Variants in GRID2 observed in about 807,000 individuals in gnomAD.
GRID2 encodes glutamate ionotropic receptor delta type subunit 2.
GRID2 carries 33 observed loss-of-function variants against 114.8 expected under a neutral mutation model. The ratio of observed to expected loss-of-function variants is 0.29; its 90% CI spans 0.22 to 0.38. The LOEUF is 0.38. GRID2 is among the 10% of genes least tolerant of loss of function. The probability of loss-of-function intolerance (pLI) is 1.00; values close to 1 mark genes in which losing one functional copy is unlikely to be tolerated. For synonymous variants in GRID2, 505 were observed against 449.9 expected, an observed-to-expected ratio of 1.12 and a Z score of -1.55; for missense variants, 1,184 against 1,257.7, an observed-to-expected ratio of 0.94 and a Z score of 0.89.
At chr4:93,244,032 G>T (rs1171763445) in intron 8 of GRID2, among the ~76,000 whole-genome samples, 1 of 151,946 alleles carries the variant, frequency 6.6e-6, no homozygotes, top group Non-Finnish European at 1.5e-5. Context: ...AAAAAGTAAA[G>T]ATTAAATAAC....
intron 2 of GRID2, among the ~76,000 whole-genome samples, chr4:92,669,193 A>G (rs1415061301): frequency 6.6e-6 from 1 of 152,002 alleles, no homozygotes; most frequent in Non-Finnish European, 1.5e-5. Context: ...ATTCATTTTT[A>G]TATTATTAGT....
chr4:93,010,147 A>T (rs373647731), intron 2 of GRID2, among the ~76,000 whole-genome samples: 2 of 152,064 alleles, frequency 1.3e-5, no homozygotes, highest in African/African-American at 4.8e-5. Context: ...TTTATTTGAC[A>T]GTAACTTACT....
intron 4 of GRID2, among the ~76,000 whole-genome samples, chr4:93,163,399 T>TATATATAC: frequency 6.1e-4 from 30 of 49,086 alleles, no homozygotes; most frequent in Admixed American, 1.1e-3. Context: ...TATATATATA[T>TATATATAC]ACACTATATA....
rs564143617 is a variant in GRID2 at position 93,139,822 on chromosome 4, T to G, written c.735+28869T>G. Among the ~76,000 whole-genome samples the G allele has an allele frequency of 2.6e-5, 4 of 152,126 alleles. No homozygotes were observed. In the South Asian group the frequency reaches 6.2e-4, roughly 24 times the overall value. The stretch of plus-strand genomic sequence containing the variant: ...TGTAGTTACTTGCAGAAGATAAAAT[T>G]GTACAACTCAATTATATAATGGGAA... On this transcript the variant is annotated intron_variant, in intron 4 of 15. Coordinates refer to ENST00000282020, the MANE Select transcript of GRID2 (RefSeq NM_001510.4).
chr4:93,150,797 G>A (rs575594868), intron 4 of GRID2, among the ~76,000 whole-genome samples: 1 of 152,086 alleles, frequency 6.6e-6, no homozygotes, highest in East Asian at 1.9e-4. Flanking sequence ...TCTAGGGCAT[G>A]TAGAAACTCT....
intron 2 of GRID2, among the ~76,000 whole-genome samples, chr4:92,919,960 T>G (rs932620873): frequency 2.6e-5 from 4 of 152,118 alleles, no homozygotes; most frequent in African/African-American, 9.7e-5. Context: ...GTTAAAGTCT[T>G]CCGTTATTAT....
intron 4 of GRID2, among the ~76,000 whole-genome samples, chr4:93,125,034 G>GT (rs1280782077): frequency 1.3e-5 from 2 of 151,822 alleles, no homozygotes; most frequent in South Asian, 2.1e-4. Flanking sequence ...TTTAGTCTGG[G>GT]TTTTTTTGTT....
At chr4:93,551,366 A>C (rs1733736560) in intron 13 of GRID2, among the ~76,000 whole-genome samples, 1 of 152,328 alleles carries the variant, frequency 6.6e-6, no homozygotes, top group Middle Eastern at 3.4e-3. Flanking sequence ...AAAAAACCTG[A>C]ATGAAATAAA....
intron 2 of GRID2, among the ~76,000 whole-genome samples, chr4:93,052,479 C>A (rs559853854): frequency 1.2e-4 from 18 of 152,038 alleles, no homozygotes; most frequent in South Asian, 2.1e-4. Context: ...GACTATTATT[C>A]CTAGGCTAAA....
Position 93,445,457 on chromosome 4 carries a change from A to G in GRID2, c.1546-10205A>G, listed in dbSNP as rs142889647. ...ATAGTTTTTACAGTTCAGTGTTTAA[A>G]CTTATTTATTTTTCATCTTAGTTTT... On this transcript the variant is annotated intron_variant, in intron 10 of 15. Coordinates refer to ENST00000282020, the MANE Select transcript of GRID2 (RefSeq NM_001510.4). Among the ~76,000 whole-genome samples, 196 of 152,112 alleles carry G rather than the reference A, an allele frequency of 1.3e-3. 2 individuals are homozygous for G. The East Asian group carries it at 0.032, about 25-fold the overall frequency.
chr4:93,115,716 C>T (rs1733179627), intron 4 of GRID2, among the ~76,000 whole-genome samples: 2 of 152,070 alleles, frequency 1.3e-5, no homozygotes, highest in Admixed American at 6.6e-5. Flanking sequence ...GTATGTCTTA[C>T]ATGGTGGCAG....
At chr4:93,161,281 G>A (rs1328005459) in intron 4 of GRID2, among the ~76,000 whole-genome samples, 1 of 151,868 alleles carries the variant, frequency 6.6e-6, no homozygotes, top group Non-Finnish European at 1.5e-5. Flanking sequence ...TCAAGCAATA[G>A]AAGTATGGCT....
chr4:92,590,026 T>G, intron 1 of GRID2, 105 bp from the exon 2 acceptor site: 1 of 730,776 alleles, frequency 1.4e-6, no homozygotes, highest in East Asian at 2.6e-5. Flanking sequence ...ATGCTCTAAG[T>G]GAAAGTATAT....
chr4:92,918,053 A>AAGAGG (rs1339933454), intron 2 of GRID2, among the ~76,000 whole-genome samples: 1 of 152,120 alleles, frequency 6.6e-6, no homozygotes, highest in East Asian at 1.9e-4. Context: ...GTTCTCCTTG[A>AAGAGG]AGAGGTCCTT....
chr4:93,613,994 G>T (rs1394665450), intron 13 of GRID2, among the ~76,000 whole-genome samples: 3 of 151,968 alleles, frequency 2.0e-5, no homozygotes, highest in Admixed American at 2.0e-4. Flanking sequence ...TCTGAGCCAG[G>T]TGTGGGATAT....
chr4:93,789,128 G>A (rs186353431), intron 1 of GRID2, among the ~76,000 whole-genome samples: 74 of 152,228 alleles, frequency 4.9e-4, no homozygotes, highest in Non-Finnish European at 4.7e-4. Flanking sequence ...GAAAATCAGA[G>A]TCAACAAATA....
Position 93,404,783 on chromosome 4 carries a change from G to T in GRID2, c.1347+9075G>T, listed in dbSNP as rs183507417. On this transcript the variant is annotated intron_variant, in intron 9 of 15. Coordinates refer to ENST00000282020, the MANE Select transcript of GRID2 (RefSeq NM_001510.4). ...GATGAGCAGGGATTATCAAGGAATA[G>T]ATAAGAGGGAAGGGATATCCAGCAT... Among the ~76,000 whole-genome samples the T allele has an allele frequency of 4.6e-3, 707 of 152,214 alleles. 9 individuals are homozygous for T. Among genetic ancestry groups the T allele is most frequent in the Non-Finnish European group, 5.6e-3 (381 of 67,988 alleles).
At chr4:93,040,803 C>T (rs1285888361) in intron 2 of GRID2, among the ~76,000 whole-genome samples, 2 of 151,804 alleles carry the variant, frequency 1.3e-5, no homozygotes, top group Non-Finnish European at 2.9e-5. Context: ...TTTAGAAAGT[C>T]CCACTGTATC....
At chr4:93,294,628 G>A (rs913340119) in intron 8 of GRID2, among the ~76,000 whole-genome samples, 32 of 151,786 alleles carry the variant, frequency 2.1e-4, no homozygotes, top group African/African-American at 7.3e-4. Context: ...GTGTGATCTC[G>A]GCTCACTGTA....
Sources: allele counts gnomAD v4.1 joint callset (sites outside exome capture counted in the v4.1 genomes callset), GRCh38; gene constraint gnomAD v4.1.1; transcripts MANE v1.5; gene names NCBI Gene and HGNC (gene_info 2026-07-23, HGNC 2026-07-21).